Variants in ANO2 observed in about 807,000 individuals in gnomAD.
ANO2 encodes the protein anoctamin 2, also known as anoctamin-2.
In ANO2, 101 loss-of-function variants were observed where a neutral mutation model predicts 124.2. The observed-to-expected ratio is 0.81, with a 90% CI of 0.69 to 0.96. ANO2 has a LOEUF of 0.96. Ranked by LOEUF, ANO2 falls within the 40% of genes least tolerant of loss-of-function variation. The probability of loss-of-function intolerance (pLI) is 0.00; values close to 1 mark genes in which losing one functional copy is unlikely to be tolerated. For missense variants in ANO2, 1,293 were observed against 1,274.5 expected (o/e 1.01, Z -0.22); for synonymous variants, 486 against 482.5 (o/e 1.01, Z -0.09).
chr12:5,734,489 A>C (rs1238073264), intron 13 of ANO2, among the ~76,000 whole-genome samples: 1 of 152,134 alleles, frequency 6.6e-6, no homozygotes. Context: ...TAAGGGAGGC[A>C]CCCTCAGCTG....
rs1947274565 is a variant in ANO2 at position 5,658,462 on chromosome 12, A to G, written c.1546-10661T>C. ...TAACATAATCATCAACATCATCATC[A>G]TATCATCACTATCATCATCATCATC... is the stretch of plus-strand genomic sequence containing the variant. On this transcript the variant is annotated intron_variant, in intron 14 of 24. Coordinates refer to ENST00000682330, the MANE Select transcript of ANO2 (RefSeq NM_001364791.2). This position sits in a 1 kb window ranked among gnomAD's most constrained non-coding sequence, Gnocchi z 4.3. 7.1e-6 allele frequency among the ~76,000 whole-genome samples: 1 copy of G among 140,414 alleles called. No individual in the cohort carries two copies. 92.1% of individuals were successfully genotyped at this position (140,414 alleles called of 152,430 possible).
rs1555112222 is a variant in ANO2, at chr12:5,638,237, C to CTTTTTCTT, written c.1621-2891_1621-2890insAAGAAAAA. Among the ~76,000 whole-genome samples, 55 of 124,866 alleles carry CTTTTTCTT rather than the reference C, an allele frequency of 4.4e-4. 1 individual carries two copies. Among genetic ancestry groups the CTTTTTCTT allele is most frequent in the Middle Eastern group, 4.3e-3 (1 of 230 alleles). The allele number at this position is 124,866 out of a possible 152,430, so 81.9% of individuals were successfully genotyped here. Reference sequence around the variant, plus strand: ...ATCTTCACTAGCACTGTTTCTTTTCCTTTTTTTTTTTTTTTTGAGACGGAG... The same window carrying CTTTTTCTT: ...ATCTTCACTAGCACTGTTTCTTTTCCTTTTTCTTTTTTTTTTTTTTTTTTGAGACGGAG... On this transcript the variant is annotated intron_variant, in intron 15 of 24. Coordinates refer to ENST00000682330, the MANE Select transcript of ANO2 (RefSeq NM_001364791.2).
intron 14 of ANO2, among the ~76,000 whole-genome samples, chr12:5,671,894 A>C (rs1213681006): frequency 6.6e-6 from 1 of 152,186 alleles, no homozygotes; most frequent in Non-Finnish European, 1.5e-5. Flanking sequence ...TCTTGCAGCA[A>C]CACATTGCTT....
chr12:5,897,951 A>G (rs566359758), intron 3 of ANO2, among the ~76,000 whole-genome samples: 3 of 152,334 alleles, frequency 2.0e-5, no homozygotes, highest in Non-Finnish European at 4.4e-5. Flanking sequence ...AGTGAAAAGA[A>G]AAACCACTGA....
intron 7 of ANO2, 38 bp downstream of exon 7, chr12:5,827,731 C>T (rs1954012299): frequency 2.5e-6 from 4 of 1,593,448 alleles, no homozygotes; most frequent in South Asian, 1.1e-5. Flanking sequence ...GCCGCCTCAG[C>T]GCCCGTCAGC....
At chr12:5,780,044 C>G (rs935733063) in intron 10 of ANO2, among the ~76,000 whole-genome samples, 9 of 152,124 alleles carry the variant, frequency 5.9e-5, no homozygotes, top group Non-Finnish European at 1.5e-5. Context: ...GTTAAACTTC[C>G]TGATTTTGAA....
At chr12:5,838,647 G>A (rs1954405651) in intron 4 of ANO2, among the ~76,000 whole-genome samples, 1 of 152,170 alleles carries the variant, frequency 6.6e-6, no homozygotes. Context: ...CAAGGCTCAT[G>A]TGCCAACCCT....
chr12:5,587,782 C>T (rs1943190526), intron 20 of ANO2, among the ~76,000 whole-genome samples: 1 of 152,164 alleles, frequency 6.6e-6, no homozygotes, highest in Non-Finnish European at 1.5e-5. Context: ...GGAGCCAGCC[C>T]ATCCCCACAT....
In ANO2 at chr12:5,623,632, A is replaced by C. The variant is rs149828389; in HGVS notation, c.1817-8335T>G. Reference sequence around the variant, plus strand: ...CCAGAGCTCCATCTTAATCCTATGGAAACAGCATGGCCAGGAGAGGACGCC... The same window carrying C: ...CCAGAGCTCCATCTTAATCCTATGGCAACAGCATGGCCAGGAGAGGACGCC... On this transcript the variant is annotated intron_variant, in intron 16 of 24. Transcript: ENST00000682330. Among the ~76,000 whole-genome samples, 557 of 152,308 alleles carry C rather than the reference A, an allele frequency of 3.7e-3. 1 individual carries two copies. The highest frequency in any genetic ancestry group is 0.02 in the Middle Eastern group (6 of 294).
rs1484542761 is a variant in ANO2 at position 5,874,606 on chromosome 12, C to T, written c.535-20465G>A. ...AGCGTGCACCTCTGGGCTCTCAGCT[C>T]TCTCCAAGCACCCCGTGCCTCATGC... On this transcript the variant is annotated intron_variant, in intron 3 of 24. Coordinates refer to ENST00000682330, the MANE Select transcript of ANO2 (RefSeq NM_001364791.2). Among the ~76,000 whole-genome samples the T allele has an allele frequency of 2.0e-5, 3 of 152,310 alleles. No individual in the cohort carries two copies. In the South Asian group the frequency reaches 6.2e-4, roughly 32 times the overall value.
At chr12:5,734,651 CTTTT>C (rs1174928022) in intron 13 of ANO2, among the ~76,000 whole-genome samples, 2 of 147,378 alleles carry the variant, frequency 1.4e-5, no homozygotes, top group East Asian at 2.0e-4. Flanking sequence ...TTTTTTCTTT[CTTTT>C]TTTTTTTTTT....
chr12:5,603,102 A>G (rs1426417911), intron 19 of ANO2, among the ~76,000 whole-genome samples: 1 of 152,218 alleles, frequency 6.6e-6, no homozygotes, highest in East Asian at 1.9e-4. Flanking sequence ...CAGAAACCCC[A>G]CAAAAGAAAG....
chr12:5,649,677 T>A (rs1297811711), intron 14 of ANO2, among the ~76,000 whole-genome samples: 1 of 152,182 alleles, frequency 6.6e-6, no homozygotes, highest in African/African-American at 2.4e-5. Flanking sequence ...TGATCTTGGC[T>A]CACTGCAACC....
At chr12:5,608,758 A>AT (rs1296309259) in intron 19 of ANO2, 2 of 152,202 alleles carry the variant, frequency 1.3e-5, no homozygotes, top group Non-Finnish European at 2.9e-5. Flanking sequence ...GCCATGTGCT[A>AT]TTTTCACCTG....
rs747022890 is a variant in ANO2 at position 5,806,065 on chromosome 12, A to G, written c.977T>C (p.Met326Thr). The G allele has an allele frequency of 1.9e-6, 3 of 1,613,850 alleles. No individual in the cohort carries two copies. The highest frequency in any genetic ancestry group is 1.1e-5 in the South Asian group (1 of 91,026). The change falls in exon 9 of 25, where the codon ATG becomes ACG. Residue 326 changes from methionine to threonine, a missense_variant. Coordinates refer to ENST00000682330, the MANE Select transcript of ANO2 (RefSeq NM_001364791.2). Reference protein sequence around the residue: ...DGEYDSPEDDMNDRKLLYQEW... With the variant: ...DGEYDSPEDDTNDRKLLYQEW... ...AGGCAGGCTTACCTTCCTGTCATTC[A>G]TATCGTCCTCTGGACTATCGTATTC...
At chr12:5,695,792 G>A (rs548611707) in intron 14 of ANO2, among the ~76,000 whole-genome samples, 1 of 151,308 alleles carries the variant, frequency 6.6e-6, no homozygotes, top group Non-Finnish European at 1.5e-5. Context: ...GTTGAGCCGA[G>A]ATCTCACCAT....
intron 14 of ANO2, among the ~76,000 whole-genome samples, chr12:5,702,084 T>C (rs186465595): frequency 2.3e-3 from 356 of 152,348 alleles, no homozygotes; most frequent in African/African-American, 8.0e-3. Context: ...ATAACGTAAA[T>C]TCTGTGAAAC....
chr12:5,879,622 A>C (rs1938348196), intron 3 of ANO2, among the ~76,000 whole-genome samples: 2 of 152,356 alleles, frequency 1.3e-5, no homozygotes, highest in South Asian at 4.1e-4. Context: ...GGGTCAAAGA[A>C]GACTTCATAG....
chr12:5,611,220 C>A (rs1944531599), intron 19 of ANO2, among the ~76,000 whole-genome samples: 1 of 152,104 alleles, frequency 6.6e-6, no homozygotes, highest in African/African-American at 2.4e-5. Context: ...CCGCCCACCT[C>A]AGCTTCCCAA....
Sources: gnomAD v4.1 joint callset for allele counts (sites outside exome capture counted in the v4.1 genomes callset) on GRCh38, gnomAD v4.1.1 for gene constraint, Gnocchi (gnomAD v3.1) non-coding constraint, MANE v1.5 for transcripts, NCBI Gene and HGNC (gene_info 2026-07-23, HGNC 2026-07-21) for gene names.